Variants in SNX25 observed in about 807,000 individuals in gnomAD.
The protein encoded by SNX25 is sorting nexin 25.
SNX25 carries 62 observed loss-of-function variants against 113.7 expected under a neutral mutation model. The ratio of observed to expected loss-of-function variants is 0.55; its 90% CI spans 0.44 to 0.67. The LOEUF is 0.67. Ranked by LOEUF, SNX25 falls within the 30% of genes least tolerant of loss-of-function variation. SNX25 has a pLI of 0.00. For missense variants in SNX25, 1,014 were observed against 1,161.0 expected, an observed-to-expected ratio of 0.87 and a Z score of 1.84; for synonymous variants, 421 against 436.2, an observed-to-expected ratio of 0.97 and a Z score of 0.43.
Position 185,321,718 on chromosome 4 carries a change from C to T in SNX25, c.1476+854C>T, listed in dbSNP as rs184371205. Among the ~76,000 whole-genome samples, 234 of 152,250 alleles carry T rather than the reference C, an allele frequency of 1.5e-3. 1 individual carries two copies. The highest frequency in any genetic ancestry group is 5.5e-3 in the African/African-American group (227 of 41,550). ...CACAGTCTTTATGTATACAGTCAGC[C>T]TTCCTTATCTGTGGGTTCTATATCT... On this transcript the variant is annotated intron_variant, in intron 8 of 18. Transcript: ENST00000652585.
intron 5 of SNX25, among the ~76,000 whole-genome samples, chr4:185,272,583 A>G (rs929756244): frequency 6.6e-6 from 1 of 151,940 alleles, no homozygotes; most frequent in Admixed American, 6.6e-5. Context: ...CTGGAGGGGA[A>G]TCCGGGCATC....
chr4:185,250,029 A>G (rs1477549602), intron 2 of SNX25, among the ~76,000 whole-genome samples: 2 of 152,066 alleles, frequency 1.3e-5, no homozygotes, highest in African/African-American at 4.8e-5. Context: ...TGTATACTGG[A>G]CAATGTGGAT....
At position 185,334,072 on chromosome 4, in the gene SNX25, C is replaced by T. The variant is rs1051083899; in HGVS notation, c.1914+1313C>T. ...AAAAAAAAGTGGCTAGGCGCGGTGG[C>T]TCACACCTGTAATCCCAGCACTTTA... On this transcript the variant is annotated intron_variant, in intron 10 of 18. Transcript: ENST00000652585. This position sits in a 1 kb window ranked among gnomAD's most constrained non-coding sequence, Gnocchi z 4.2. Among the ~76,000 whole-genome samples, 6 of 148,820 alleles carry T rather than the reference C, an allele frequency of 4.0e-5. No homozygotes were observed. Among genetic ancestry groups the T allele is most frequent in the African/African-American group, 1.5e-4 (6 of 40,308 alleles).
chr4:185,346,138 C>T (rs978295166), intron 12 of SNX25, among the ~76,000 whole-genome samples: 2 of 152,214 alleles, frequency 1.3e-5, no homozygotes, highest in African/African-American at 4.8e-5. Flanking sequence ...GGATTACAGG[C>T]GTGAGCCACC....
intron 2 of SNX25, among the ~76,000 whole-genome samples, chr4:185,250,303 G>C (rs1745460790): frequency 6.6e-6 from 1 of 152,182 alleles, no homozygotes; most frequent in Non-Finnish European, 1.5e-5. Flanking sequence ...CTGTCTCCCT[G>C]GTGGACAGTA....
chr4:185,256,950 T>C (rs1427813942), intron 2 of SNX25, among the ~76,000 whole-genome samples: 2 of 151,964 alleles, frequency 1.3e-5, no homozygotes, highest in African/African-American at 4.8e-5. Flanking sequence ...GCTTCTAATT[T>C]GGTGTGTAGT....
intron 9 of SNX25, among the ~76,000 whole-genome samples, chr4:185,324,110 T>G (rs940789458): frequency 1.3e-5 from 2 of 152,178 alleles, no homozygotes; most frequent in Non-Finnish European, 2.9e-5. Flanking sequence ...ACACCTCTGG[T>G]CTGACTCCTG....
the SNX25 span, chr4:185,376,834 T>G: frequency 3.0e-6 from 3 of 1,007,942 alleles, no homozygotes; most frequent in South Asian, 1.4e-5. Context: ...AGTAAGAAAC[T>G]CTACATGAAA....
At chr4:185,205,091 C>T (rs1737127573), upstream of SNX25, among the ~76,000 whole-genome samples, 1 of 152,188 alleles carries the variant, frequency 6.6e-6, no homozygotes, top group Admixed American at 6.5e-5. Flanking sequence ...CTATTTTCGT[C>T]CTTCACAATG....
chr4:185,341,193 C>A (rs778832882), intron 11 of SNX25, among the ~76,000 whole-genome samples: 20 of 152,248 alleles, frequency 1.3e-4, no homozygotes, highest in Admixed American at 4.6e-4. Context: ...GTGGCCTATT[C>A]TGGATTAGTG....
intron 7 of SNX25, among the ~76,000 whole-genome samples, chr4:185,314,085 A>G (rs1187331103): frequency 6.6e-6 from 1 of 152,158 alleles, no homozygotes; most frequent in Non-Finnish European, 1.5e-5. Context: ...AAAACCCTGT[A>G]CGAGTGGGCC....
intron 1 of SNX25, among the ~76,000 whole-genome samples, chr4:185,242,776 G>A (rs1744264828): frequency 6.6e-6 from 1 of 152,140 alleles, no homozygotes; most frequent in Non-Finnish European, 1.5e-5. Flanking sequence ...GTAGAAGGAG[G>A]GCAGAAAAAG....
chr4:185,370,925 T>G, downstream of SNX25: 5 of 1,174,194 alleles, frequency 4.3e-6, no homozygotes, highest in Non-Finnish European at 6.2e-6. Flanking sequence ...TCTCTACTGC[T>G]TTGAGAACTA....
downstream of SNX25, among the ~76,000 whole-genome samples, chr4:185,368,122 G>A (rs2095397387): frequency 6.6e-6 from 1 of 152,190 alleles, no homozygotes; most frequent in Non-Finnish European, 1.5e-5. Flanking sequence ...AGCTTGCAGA[G>A]AGCCGAGATT....
At chr4:185,276,694 A>T (rs764872079) in intron 5 of SNX25, among the ~76,000 whole-genome samples, 1 of 152,086 alleles carries the variant, frequency 6.6e-6, no homozygotes, top group African/African-American at 2.4e-5. Flanking sequence ...AGGTAAAATA[A>T]ATAGTCTCAG....
At chr4:185,346,496 G>A (rs779912677) in intron 12 of SNX25, 41 bp from the exon 13 acceptor site, 23 of 1,255,800 alleles carry the variant, frequency 1.8e-5, no homozygotes, top group Non-Finnish European at 2.4e-5. Context: ...AGATTAAAAT[G>A]TAATTTCAAA....
At position 185,261,422 on chromosome 4, in the gene SNX25, C is replaced by A. The variant is rs1031438022; in HGVS notation, c.731+2358C>A. Among the ~76,000 whole-genome samples, 3 of 152,250 alleles carry A rather than the reference C, an allele frequency of 2.0e-5. No homozygotes were observed. In the East Asian group the frequency reaches 5.8e-4, roughly 29 times the overall value. ...GAACTCCTGACCTCAAGTGATCCAC[C>A]TGCCTCAGCCTGCCAAGGTGCTGGG... On this transcript the variant is annotated intron_variant, in intron 3 of 18. Transcript: ENST00000652585.
At chr4:185,341,559 C>T (rs763241987) in intron 11 of SNX25, among the ~76,000 whole-genome samples, 1 of 152,144 alleles carries the variant, frequency 6.6e-6, no homozygotes, top group Non-Finnish European at 1.5e-5. Context: ...TATCACAGGC[C>T]GAAGTCAGTA....
intron 4 of SNX25, among the ~76,000 whole-genome samples, chr4:185,265,179 T>TA (rs1340381264): frequency 2.0e-5 from 3 of 152,180 alleles, no homozygotes; most frequent in African/African-American, 7.2e-5. Flanking sequence ...CTTTGCTATA[T>TA]GATTTGTTGA....
Sources: allele counts gnomAD v4.1 joint callset (sites outside exome capture counted in the v4.1 genomes callset), GRCh38; gene constraint gnomAD v4.1.1; non-coding constraint Gnocchi (gnomAD v3.1); transcripts MANE v1.5; gene names NCBI Gene and HGNC (gene_info 2026-07-23, HGNC 2026-07-21).